Variants in GALNT13 observed in about 807,000 individuals in gnomAD.
The protein encoded by GALNT13 is UDP-GalNAc:polypeptide N-acetylgalactosaminyltransferase 13.
Under a neutral mutation model 64.2 loss-of-function variants are expected in GALNT13, and 28 were observed. That is an observed-to-expected ratio of 0.44 (90% CI 0.32 to 0.60). The LOEUF is 0.60. Among genes scored for constraint, GALNT13 ranks in the 20% least tolerant of loss-of-function variants. The pLI, the probability that GALNT13 is intolerant of heterozygous loss-of-function variation, is 0.05. For synonymous variants in GALNT13, 214 were observed against 224.6 expected (o/e 0.95, Z 0.42); for missense variants, 577 against 669.8 (o/e 0.86, Z 1.53).
the GALNT13 span, among the ~76,000 whole-genome samples, chr2:153,163,327 GT>G: frequency 6.6e-6 from 1 of 151,968 alleles, no homozygotes; most frequent in South Asian, 2.1e-4. Flanking sequence ...AGAATTCAGG[GT>G]TTTTTTTGGT....
the GALNT13 span, among the ~76,000 whole-genome samples, chr2:153,682,171 A>G: frequency 6.6e-6 from 1 of 151,724 alleles, no homozygotes; most frequent in Non-Finnish European, 1.5e-5. Context: ...TGCCCCATAA[A>G]TTATTTATTC....
At chr2:153,494,728 T>G in the GALNT13 span, among the ~76,000 whole-genome samples, 1 of 152,012 alleles carries the variant, frequency 6.6e-6, no homozygotes, top group Non-Finnish European at 1.5e-5. Context: ...AAAGTATAAG[T>G]AATCCAAGAA....
At chr2:154,092,257 G>A (rs1701851770) in intron 3 of GALNT13, among the ~76,000 whole-genome samples, 1 of 151,826 alleles carries the variant, frequency 6.6e-6, no homozygotes, top group Non-Finnish European at 1.5e-5. Flanking sequence ...CATGTATATT[G>A]GTAGGAATTG....
In GALNT13 at chr2:154,178,570, A is replaced by AAAT. The variant is rs201150569; in HGVS notation, c.311+38078_311+38080dup. ...ACCCTAAAACTTAAAGTATAATTAA[A>AAAT]AATAATAATAATAATGTCTTCCTCT... On this transcript the variant is annotated intron_variant, in intron 4 of 12. Transcript: ENST00000392825. 6.9e-3 allele frequency among the ~76,000 whole-genome samples: 1,052 copies of AAAT among 152,212 alleles called. 9 individuals are homozygous for AAAT. The highest frequency in any genetic ancestry group is 0.024 in the African/African-American group (1,015 of 41,528).
intron 8 of GALNT13, among the ~76,000 whole-genome samples, chr2:154,270,237 A>G (rs938452040): frequency 4.6e-5 from 7 of 151,832 alleles, no homozygotes; most frequent in African/African-American, 1.7e-4. Flanking sequence ...AAACTGGAAT[A>G]TGAGAAGAGC....
At chr2:153,957,806 C>T (rs554185516) in intron 3 of GALNT13, among the ~76,000 whole-genome samples, 65 of 152,110 alleles carry the variant, frequency 4.3e-4, no homozygotes, top group African/African-American at 1.4e-3. Context: ...CTAACTGTGT[C>T]GTAATTGACT....
chr2:153,643,510 A>G, the GALNT13 span, among the ~76,000 whole-genome samples: 15 of 151,762 alleles, frequency 9.9e-5, no homozygotes, highest in African/African-American at 2.4e-5. Flanking sequence ...TCTGAGTTCA[A>G]AGAAACCACC....
chr2:153,482,052 ATAGTTTATTG>A, the GALNT13 span, among the ~76,000 whole-genome samples: 3 of 152,344 alleles, frequency 2.0e-5, no homozygotes, highest in African/African-American at 7.2e-5. Context: ...AATAAGCAAA[ATAGTTTATTG>A]AACCACCAAA....
At chr2:153,154,706 T>C in the GALNT13 span, among the ~76,000 whole-genome samples, 2 of 152,264 alleles carry the variant, frequency 1.3e-5, no homozygotes, top group East Asian at 3.9e-4. Context: ...TGTCTTTCCA[T>C]TTGGATGTCC....
At chr2:153,480,703 A>G in the GALNT13 span, among the ~76,000 whole-genome samples, 1 of 152,226 alleles carries the variant, frequency 6.6e-6, no homozygotes, top group South Asian at 2.1e-4. Context: ...ATATAAAGTC[A>G]TCCTGAGATG....
At chr2:154,409,109 A>G (rs769989365) in intron 11 of GALNT13, 27 bp downstream of exon 11, 4 of 1,391,426 alleles carry the variant, frequency 2.9e-6, no homozygotes, top group East Asian at 2.3e-5. Context: ...TATCAGCTTC[A>G]TGTTTTAGAG....
chr2:153,724,649 A>G, the GALNT13 span, among the ~76,000 whole-genome samples: 3 of 124,964 alleles, frequency 2.4e-5, no homozygotes, highest in Non-Finnish European at 4.8e-5. Flanking sequence ...GGCGAGGGAC[A>G]TGAACAGACA....
At chr2:154,223,761 A>T (rs1688446082) in intron 4 of GALNT13, among the ~76,000 whole-genome samples, 1 of 152,034 alleles carries the variant, frequency 6.6e-6, no homozygotes. Flanking sequence ...TTCATTCTTC[A>T]GTGGTAATAG....
the GALNT13 span, among the ~76,000 whole-genome samples, chr2:153,752,371 C>T: frequency 6.6e-6 from 1 of 151,928 alleles, no homozygotes; most frequent in African/African-American, 2.4e-5. Context: ...TCATTAATGT[C>T]CTTTTCTTTA....
the GALNT13 span, among the ~76,000 whole-genome samples, chr2:153,212,089 CT>C: frequency 6.6e-6 from 1 of 152,148 alleles, no homozygotes; most frequent in African/African-American, 2.4e-5. Flanking sequence ...TTACAGTGTA[CT>C]TTTCCTAAGA....
chr2:153,437,621 C>T, the GALNT13 span, among the ~76,000 whole-genome samples: 1 of 152,254 alleles, frequency 6.6e-6, no homozygotes, highest in Non-Finnish European at 1.5e-5. Flanking sequence ...GGTTTAAAGT[C>T]TGTTTTATCA....
chr2:153,647,099 A>G, the GALNT13 span, among the ~76,000 whole-genome samples: 1 of 152,016 alleles, frequency 6.6e-6, no homozygotes, highest in Non-Finnish European at 1.5e-5. Context: ...AAGTGTTCCT[A>G]TTTCTCCACA....
At chr2:154,129,200 C>A (rs1682471569) in intron 3 of GALNT13, among the ~76,000 whole-genome samples, 1 of 152,092 alleles carries the variant, frequency 6.6e-6, no homozygotes, top group Admixed American at 6.6e-5. Context: ...CCCCGCCATC[C>A]CAATTACCAC....
chr2:153,667,560 T>C, the GALNT13 span, among the ~76,000 whole-genome samples: 1 of 152,238 alleles, frequency 6.6e-6, no homozygotes, highest in Non-Finnish European at 1.5e-5. Flanking sequence ...AGGATCCTTT[T>C]CAGATAAGCA....
Sources: gnomAD v4.1 joint callset for allele counts (sites outside exome capture counted in the v4.1 genomes callset) on GRCh38, gnomAD v4.1.1 for gene constraint, MANE v1.5 for transcripts, NCBI Gene and HGNC (gene_info 2026-07-23, HGNC 2026-07-21) for gene names.